BRINP2: variants seen among roughly 807,000 people sequenced by gnomAD.
The protein encoded by BRINP2 is BMP/retinoic acid-inducible neural-specific protein 2.
BRINP2 carries 21 observed loss-of-function variants against 69.2 expected under a neutral mutation model. The observed-to-expected ratio is 0.30, with a 90% CI of 0.22 to 0.44. BRINP2 has a LOEUF of 0.44. Ranked by LOEUF, BRINP2 falls within the 20% of genes least tolerant of loss-of-function variation. BRINP2 has a pLI of 1.00. For missense variants in BRINP2, 877 were observed against 986.0 expected, an observed-to-expected ratio of 0.89 and a Z score of 1.48; for synonymous variants, 380 against 394.1, an observed-to-expected ratio of 0.96 and a Z score of 0.42.
At chr1:177,185,524 A>T (rs1007868459) in intron 1 of BRINP2, among the ~76,000 whole-genome samples, 1 of 152,228 alleles carries the variant, frequency 6.6e-6, no homozygotes, top group African/African-American at 2.4e-5. Flanking sequence ...ATCACTAACC[A>T]TGTGGGATAT....
At chr1:177,242,055 C>T (rs1252005184) in intron 2 of BRINP2, among the ~76,000 whole-genome samples, 1 of 152,230 alleles carries the variant, frequency 6.6e-6, no homozygotes, top group Non-Finnish European at 1.5e-5. Context: ...ATCTGCTACA[C>T]TCTTTGCCAC....
chr1:177,280,320 A>G, intron 7 of BRINP2, 92 bp from the exon 8 acceptor site: 1 of 1,284,888 alleles, frequency 7.8e-7, no homozygotes, highest in East Asian at 2.3e-5. Context: ...ATTGCCTTCC[A>G]CGCCTAGTGG....
At position 177,171,486 on chromosome 1, in the gene BRINP2, A is replaced by T. The variant is rs2102281737; in HGVS notation, c.-323A>T. On this transcript the variant is annotated 5_prime_UTR_variant, in exon 1 of 8. Coordinates refer to ENST00000361539, the MANE Select transcript of BRINP2 (RefSeq NM_021165.4). ...CGGTGGCGGTGGCGGCGGCGGCGGC[A>T]CCGACAGTAAAGCGGGGAGCAAGAG... The T allele has an allele frequency of 6.2e-6, 1 of 162,322 alleles. No individual in the cohort carries two copies. The highest frequency in any genetic ancestry group is 6.5e-5 in the Admixed American group (1 of 15,432). The allele number at this position is 162,322 out of a possible 1,614,324, so 10.1% of individuals were successfully genotyped here.
intron 1 of BRINP2, among the ~76,000 whole-genome samples, chr1:177,221,303 A>T (rs1649525202): frequency 6.6e-6 from 1 of 152,192 alleles, no homozygotes; most frequent in Non-Finnish European, 1.5e-5. Flanking sequence ...TAATATGTAA[A>T]CATAATTAGA....
At chr1:177,272,485 G>A (rs560779821) in intron 4 of BRINP2, among the ~76,000 whole-genome samples, 8 of 152,352 alleles carry the variant, frequency 5.3e-5, no homozygotes, top group African/African-American at 1.9e-4. Context: ...AAATAAATAT[G>A]AGCTTCCCTC....
At chr1:177,232,280 G>A (rs748389592) in intron 2 of BRINP2, among the ~76,000 whole-genome samples, 14 of 152,146 alleles carry the variant, frequency 9.2e-5, no homozygotes, top group East Asian at 1.9e-4. Flanking sequence ...GCACCTGGGC[G>A]GCAGCTCCAA....
intron 4 of BRINP2, among the ~76,000 whole-genome samples, chr1:177,271,178 T>C (rs997412894): frequency 1.3e-5 from 2 of 152,260 alleles, no homozygotes; most frequent in African/African-American, 4.8e-5. Flanking sequence ...AAAGAATGAA[T>C]GAGTGAACCA....
chr1:177,171,702 A>T lies in BRINP2; in HGVS notation c.-107A>T, dbSNP rs1238436526. The T allele has an allele frequency of 6.6e-6, 1 of 152,258 alleles. No homozygotes were observed. Among genetic ancestry groups the T allele is most frequent in the Non-Finnish European group, 1.5e-5 (1 of 68,094 alleles). The allele number at this position is 152,258 out of a possible 1,614,324, so 9.4% of individuals were successfully genotyped here. ...GTTGAAGGTTTGGGGAGCAGCTGAT[A>T]CAGCAAGGAGGGCTCTTGCAAGGAT... On this transcript the variant is annotated 5_prime_UTR_variant, in exon 1 of 8. Transcript: ENST00000361539.
chr1:177,215,803 T>A (rs554913352), intron 1 of BRINP2, among the ~76,000 whole-genome samples: 30 of 152,240 alleles, frequency 2.0e-4, no homozygotes, highest in African/African-American at 6.5e-4. Flanking sequence ...AATTTTGCTT[T>A]ACATATTTAG....
intron 2 of BRINP2, among the ~76,000 whole-genome samples, chr1:177,242,332 T>C (rs893549369): frequency 6.6e-6 from 1 of 152,194 alleles, no homozygotes; most frequent in Non-Finnish European, 1.5e-5. Context: ...CCAAATCCAT[T>C]CATTCACTAT....
chr1:177,201,268 T>C (rs1648901847), intron 1 of BRINP2, among the ~76,000 whole-genome samples: 1 of 152,256 alleles, frequency 6.6e-6, no homozygotes, highest in Non-Finnish European at 1.5e-5. Flanking sequence ...AAACTGATGA[T>C]GGCACAGCTA....
intron 4 of BRINP2, among the ~76,000 whole-genome samples, chr1:177,264,394 G>A (rs547432951): frequency 5.1e-4 from 78 of 152,190 alleles, no homozygotes; most frequent in African/African-American, 1.7e-3. Context: ...TTTGAAAATC[G>A]GCACAAGACA....
At chr1:177,257,937 T>C (rs562973053) in intron 4 of BRINP2, among the ~76,000 whole-genome samples, 2 of 152,284 alleles carry the variant, frequency 1.3e-5, no homozygotes, top group African/African-American at 4.8e-5. Context: ...TGGTGCCTTG[T>C]TGGGGCACAG....
At chr1:177,179,944 A>C (rs1648198717) in intron 1 of BRINP2, among the ~76,000 whole-genome samples, 1 of 152,130 alleles carries the variant, frequency 6.6e-6, no homozygotes, top group African/African-American at 2.4e-5. Context: ...GTACGTATGT[A>C]TTCACACACA....
intron 1 of BRINP2, among the ~76,000 whole-genome samples, chr1:177,195,720 A>T (rs1648726861): frequency 6.6e-6 from 1 of 152,026 alleles, no homozygotes; most frequent in African/African-American, 2.4e-5. Context: ...TTGGGATGTC[A>T]AGGGGCAAAG....
intron 1 of BRINP2, among the ~76,000 whole-genome samples, chr1:177,199,547 T>C (rs1648843017): frequency 6.6e-6 from 1 of 152,212 alleles, no homozygotes. Context: ...ATTTCCTTTG[T>C]ATTCAAGAGG....
At chr1:177,222,269 A>G (rs146036454) in intron 1 of BRINP2, among the ~76,000 whole-genome samples, 66 of 152,278 alleles carry the variant, frequency 4.3e-4, no homozygotes, top group African/African-American at 1.5e-3. Flanking sequence ...GGAAAAAATA[A>G]TGGTGAACAC....
intron 1 of BRINP2, among the ~76,000 whole-genome samples, chr1:177,227,974 C>T (rs766182020): frequency 8.5e-5 from 13 of 152,244 alleles, no homozygotes; most frequent in East Asian, 1.9e-4. Context: ...GTTCATTAAG[C>T]GAGGTTCTGT....
chr1:177,234,500 GT>G (rs566257852), intron 2 of BRINP2, among the ~76,000 whole-genome samples: 202 of 151,510 alleles, frequency 1.3e-3, no homozygotes, highest in South Asian at 5.0e-3. Flanking sequence ...TGAGCAGTCT[GT>G]TTTTTTTTAT....
Sources: gnomAD v4.1 joint callset for allele counts (sites outside exome capture counted in the v4.1 genomes callset) on GRCh38, gnomAD v4.1.1 for gene constraint, MANE v1.5 for transcripts, NCBI Gene and HGNC (gene_info 2026-07-23, HGNC 2026-07-21) for gene names.